The following SLC24A3 variants were observed in gnomAD, a reference collection of about 807,000 sequenced individuals.
SLC24A3 encodes sodium/potassium/calcium exchanger 3.
SLC24A3 carries 28 observed loss-of-function variants against 75.8 expected under a neutral mutation model. The observed-to-expected ratio is 0.37, with a 90% CI of 0.27 to 0.51. The LOEUF (loss-of-function observed/expected upper bound fraction) is 0.51. SLC24A3 is among the 20% of genes least tolerant of loss of function. The pLI is 0.94. For synonymous variants in SLC24A3, 372 were observed against 334.1 expected, an observed-to-expected ratio of 1.11 and a Z score of -1.24; for missense variants, 663 against 847.8, an observed-to-expected ratio of 0.78 and a Z score of 2.71.
chr20:19,412,512 A>G (rs1163329294), intron 2 of SLC24A3, among the ~76,000 whole-genome samples: 1 of 151,754 alleles, frequency 6.6e-6, no homozygotes, highest in Non-Finnish European at 1.5e-5. Flanking sequence ...GAAGAGGGAG[A>G]TGAGGAAGCA....
chr20:19,702,572 G>T (rs1487271293), intron 15 of SLC24A3, among the ~76,000 whole-genome samples: 1 of 151,694 alleles, frequency 6.6e-6, no homozygotes, highest in Non-Finnish European at 1.5e-5. Flanking sequence ...TTGGAGAAAG[G>T]TGTGTCATGT....
At chr20:19,583,192 A>G (rs948979496) in intron 4 of SLC24A3, among the ~76,000 whole-genome samples, 4 of 152,130 alleles carry the variant, frequency 2.6e-5, no homozygotes, top group Non-Finnish European at 5.9e-5. Flanking sequence ...GCAGAAGTGC[A>G]GAGAGAGAGT....
chr20:19,508,280 TTCCTGAGA>T (rs1988488928), intron 2 of SLC24A3, among the ~76,000 whole-genome samples: 1 of 152,158 alleles, frequency 6.6e-6, no homozygotes, highest in Non-Finnish European at 1.5e-5. Context: ...TTCGGTGCAA[TTCCTGAGA>T]GACCAATCCC....
At chr20:19,438,008 G>A (rs1313064805) in intron 2 of SLC24A3, among the ~76,000 whole-genome samples, 1 of 152,190 alleles carries the variant, frequency 6.6e-6, no homozygotes, top group Non-Finnish European at 1.5e-5. Context: ...GTGAGCTGAT[G>A]GAGAACACCA....
At chr20:19,439,168 T>G (rs1314315176) in intron 2 of SLC24A3, among the ~76,000 whole-genome samples, 1 of 152,186 alleles carries the variant, frequency 6.6e-6, no homozygotes, top group African/African-American at 2.4e-5. Context: ...GCTGCCCCCT[T>G]AGCACTCTGT....
intron 2 of SLC24A3, among the ~76,000 whole-genome samples, chr20:19,513,865 G>A (rs142671316): frequency 4.0e-5 from 6 of 151,892 alleles, no homozygotes; most frequent in Admixed American, 2.0e-4. Context: ...GTTCATTAAC[G>A]TATCCATTAC....
rs117080925 is a variant in SLC24A3, at chr20:19,524,349, C to T, written c.348+8785C>T. ...TCCTGAGACTCCAGTCCCTCCTCGA[C>T]ATCCACAGCAAAACTCTGGCCGGAG... On this transcript the variant is annotated intron_variant, in intron 3 of 16. Coordinates refer to ENST00000328041, the MANE Select transcript of SLC24A3 (RefSeq NM_020689.4). Among the ~76,000 whole-genome samples the T allele has an allele frequency of 2.5e-3, 379 of 152,348 alleles. 4 individuals are homozygous for T. In the East Asian group the frequency reaches 0.026, roughly 10 times the overall value.
intron 11 of SLC24A3, 62 bp downstream of exon 11, chr20:19,684,398 GA>G (rs1004417429): frequency 6.5e-6 from 10 of 1,528,786 alleles, no homozygotes; most frequent in Non-Finnish European, 8.9e-6. Flanking sequence ...GGGAAGGAGA[GA>G]AGGTTTCTTG....
chr20:19,572,770 A>G (rs1397016150), intron 3 of SLC24A3, among the ~76,000 whole-genome samples: 1 of 152,228 alleles, frequency 6.6e-6, no homozygotes, highest in Non-Finnish European at 1.5e-5. Flanking sequence ...GAATCAATGA[A>G]TGGTTCCAGA....
At chr20:19,436,455 C>T (rs1206184760) in intron 2 of SLC24A3, among the ~76,000 whole-genome samples, 1 of 152,188 alleles carries the variant, frequency 6.6e-6, no homozygotes, top group Non-Finnish European at 1.5e-5. Flanking sequence ...TTACTGACCC[C>T]AGTACTTTCA....
chr20:19,673,694 T>A, intron 9 of SLC24A3, 40 bp downstream of exon 9: 2 of 1,536,496 alleles, frequency 1.3e-6, no homozygotes, highest in Admixed American at 1.7e-5. Flanking sequence ...AACTGTTTCT[T>A]GCATTCCACA....
intron 1 of SLC24A3, chr20:19,242,617 C>G (rs1434196128): frequency 2.6e-5 from 4 of 152,124 alleles, no homozygotes; most frequent in African/African-American, 9.7e-5. Context: ...TCATGACCTT[C>G]CTACAGATAT....
At position 19,612,510 on chromosome 20, in the gene SLC24A3, A is replaced by G. The variant is rs529369804; in HGVS notation, c.612+26966A>G. Among the ~76,000 whole-genome samples the G allele has an allele frequency of 2.6e-5, 4 of 152,326 alleles. No individual in the cohort carries two copies. The East Asian group carries it at 7.7e-4, about 29-fold the overall frequency. On this transcript the variant is annotated intron_variant, in intron 6 of 16. Transcript: ENST00000328041. ...GTTAAGCATTGTATACATGTATCAA[A>G]TATCACTCTGTATCCTACAAATATG...
At chr20:19,633,901 A>C (rs934178015) in intron 6 of SLC24A3, among the ~76,000 whole-genome samples, 2 of 152,156 alleles carry the variant, frequency 1.3e-5, no homozygotes, top group Admixed American at 6.5e-5. Context: ...AGTCCCTAGA[A>C]TGATGCCTGG....
At chr20:19,309,964 C>T (rs941648384) in intron 2 of SLC24A3, among the ~76,000 whole-genome samples, 1 of 152,106 alleles carries the variant, frequency 6.6e-6, no homozygotes, top group Non-Finnish European at 1.5e-5. Flanking sequence ...TTCCTGCTAT[C>T]AGTGTCCGAC....
intron 1 of SLC24A3, among the ~76,000 whole-genome samples, chr20:19,219,768 A>T (rs1417417860): frequency 6.6e-6 from 1 of 152,226 alleles, no homozygotes; most frequent in African/African-American, 2.4e-5. Context: ...AAATAATGAA[A>T]TACCATTTCT....
chr20:19,305,612 C>T (rs1041571327), intron 2 of SLC24A3, among the ~76,000 whole-genome samples: 1 of 152,014 alleles, frequency 6.6e-6, no homozygotes, highest in African/African-American at 2.4e-5. Flanking sequence ...AATAAAGCCA[C>T]ATCTGGTCTT....
At chr20:19,690,412 T>C (rs898912890) in intron 12 of SLC24A3, among the ~76,000 whole-genome samples, 3 of 152,220 alleles carry the variant, frequency 2.0e-5, no homozygotes, top group African/African-American at 7.2e-5. Flanking sequence ...TCGTAAATTC[T>C]GACTTCATTT....
intron 7 of SLC24A3, among the ~76,000 whole-genome samples, chr20:19,660,938 C>T (rs1408134845): frequency 6.6e-6 from 1 of 152,088 alleles, no homozygotes; most frequent in Non-Finnish European, 1.5e-5. Flanking sequence ...GTAATCCCTG[C>T]TGTCAACAGG....
Sources: gnomAD v4.1 joint callset for allele counts (sites outside exome capture counted in the v4.1 genomes callset) on GRCh38, gnomAD v4.1.1 for gene constraint, MANE v1.5 for transcripts, NCBI Gene and HGNC (gene_info 2026-07-23, HGNC 2026-07-21) for gene names.